SSR1: variants seen among roughly 807,000 people sequenced by gnomAD.
SSR1 encodes the protein signal sequence receptor subunit 1.
A neutral mutation model predicts 36.1 loss-of-function variants in SSR1; 13 were observed. That is an observed-to-expected ratio of 0.36 (90% CI 0.23 to 0.57). The LOEUF (loss-of-function observed/expected upper bound fraction) is 0.57. Ranked by LOEUF, SSR1 falls within the 20% of genes least tolerant of loss-of-function variation. The probability of loss-of-function intolerance (pLI) is 0.81; values close to 1 mark genes in which losing one functional copy is unlikely to be tolerated. For missense variants in SSR1, 291 were observed against 338.5 expected (o/e 0.86, Z 1.10); for synonymous variants, 113 against 118.9 (o/e 0.95, Z 0.32).
intron 2 of SSR1, among the ~76,000 whole-genome samples, chr6:7,307,197 G>A (rs1758087244): frequency 1.3e-5 from 2 of 152,098 alleles, no homozygotes; most frequent in Admixed American, 6.6e-5. Flanking sequence ...AGTTCTGGAG[G>A]TGACTTCTGT....
intron 6 of SSR1, among the ~76,000 whole-genome samples, chr6:7,296,215 A>C (rs559047917): frequency 6.6e-6 from 1 of 152,206 alleles, no homozygotes; most frequent in African/African-American, 2.4e-5. Context: ...AAAAAAACCC[A>C]AGAAACCAAC....
intron 4 of SSR1, 93 bp from the exon 5 acceptor site, chr6:7,298,916 G>A: frequency 2.1e-6 from 2 of 954,714 alleles, no homozygotes; most frequent in Non-Finnish European, 3.2e-6. Flanking sequence ...CTAACAGATT[G>A]AATATAGCCT....
chr6:7,295,068 A>T (rs1581629219), intron 7 of SSR1: 2 of 875,366 alleles, frequency 2.3e-6, no homozygotes, highest in Non-Finnish European at 3.0e-6. Flanking sequence ...AAAAACCATT[A>T]AAAAAATTAA....
chr6:7,293,857 G>A (rs907799837), intron 7 of SSR1, among the ~76,000 whole-genome samples: 1 of 152,196 alleles, frequency 6.6e-6, no homozygotes, highest in Non-Finnish European at 1.5e-5. Context: ...CTATGAATAT[G>A]TATAAAGGAG....
At chr6:7,308,745 C>G (rs537014399) in intron 2 of SSR1, among the ~76,000 whole-genome samples, 1 of 122,352 alleles carries the variant, frequency 8.2e-6, no homozygotes, top group East Asian at 2.3e-4. Context: ...CATATAACTG[C>G]CCCAAAAAAA....
chr6:7,293,587 C>G (rs948456132), intron 7 of SSR1, among the ~76,000 whole-genome samples: 1 of 151,786 alleles, frequency 6.6e-6, no homozygotes, highest in Non-Finnish European at 1.5e-5. Flanking sequence ...ATTTTTTTTT[C>G]ATTCTTTGTA....
rs932031554 is a variant in SSR1, at chr6:7,289,723, G to A, written c.*141C>T. 21 of 665,450 alleles carry A rather than the reference G, an allele frequency of 3.2e-5. No homozygotes were observed. The highest frequency in any genetic ancestry group is 2.2e-4 in the Admixed American group (5 of 23,116). 41.2% of individuals were successfully genotyped at this position (665,450 alleles called of 1,614,324 possible). On this transcript the variant is annotated 3_prime_UTR_variant, in exon 8 of 8. Transcript: ENST00000244763. ...GCAGTGCATTTTCAGCAATATTATC[G>A]CCACAGACTCTGATTGCTCAGTCCA...
At chr6:7,298,941 A>ATTCT (rs1757863995) in intron 4 of SSR1, 118 bp from the exon 5 acceptor site, 1 of 734,022 alleles carries the variant, frequency 1.4e-6, no homozygotes, top group African/African-American at 1.8e-5. Context: ...ATCACTTAGA[A>ATTCT]GACTCAACAA....
intron 4 of SSR1, among the ~76,000 whole-genome samples, chr6:7,300,565 T>C (rs367778656): frequency 1.0e-3 from 153 of 152,334 alleles, no homozygotes; most frequent in African/African-American, 3.5e-3. Context: ...ATAGACAGTC[T>C]TTAAATTTAC....
At chr6:7,306,891 T>G (rs1443297071) in intron 2 of SSR1, among the ~76,000 whole-genome samples, 7 of 117,206 alleles carry the variant, frequency 6.0e-5, no homozygotes, top group Non-Finnish European at 1.1e-4. Context: ...CACTCCAGCC[T>G]GGGCGACAGA....
intron 3 of SSR1, among the ~76,000 whole-genome samples, chr6:7,301,872 TAATC>T (rs1314771160): frequency 6.7e-6 from 1 of 149,798 alleles, no homozygotes; most frequent in African/African-American, 2.4e-5. Flanking sequence ...GGCAGTGAAA[TAATC>T]AAGCAGCAGG....
At chr6:7,298,891 C>G in intron 4 of SSR1, 68 bp from the exon 5 acceptor site, 2 of 1,267,472 alleles carry the variant, frequency 1.6e-6, no homozygotes, top group Non-Finnish European at 2.3e-6. Context: ...TGTAACATTA[C>G]TTAAAACAGT....
intron 3 of SSR1, among the ~76,000 whole-genome samples, chr6:7,302,597 A>C (rs1757960798): frequency 6.6e-6 from 1 of 152,060 alleles, no homozygotes; most frequent in East Asian, 1.9e-4. Flanking sequence ...CCCCATCCCT[A>C]CTAAAAATAC....
rs1205124849 is a variant in SSR1 at position 7,289,772 on chromosome 6, A to G, written c.*92T>C. ...CACACACAAGTAGGAGTTGCCTTCT[A>G]TGGTGACATGGCTTCTCTGCACTAA... On this transcript the variant is annotated 3_prime_UTR_variant, in exon 8 of 8. Transcript: ENST00000244763. 28 of 1,175,214 alleles carry G rather than the reference A, an allele frequency of 2.4e-5. No homozygotes were observed. Among genetic ancestry groups the G allele is most frequent in the East Asian group, 1.9e-4 (7 of 37,354 alleles). 72.8% of individuals were successfully genotyped at this position (1,175,214 alleles called of 1,614,324 possible). A position where few individuals can be genotyped will look rare whatever the true frequency, so the allele number is the denominator to read the frequency against.
At chr6:7,312,932 G>T in intron 1 of SSR1, 110 bp downstream of exon 1, 1 of 1,091,028 alleles carries the variant, frequency 9.2e-7, no homozygotes, top group Non-Finnish European at 1.3e-6. Context: ...GAGGCCAGCG[G>T]GGTGGACGCG....
chr6:7,300,108 G>A (rs941086347), intron 4 of SSR1, among the ~76,000 whole-genome samples: 9 of 152,048 alleles, frequency 5.9e-5, no homozygotes, highest in Admixed American at 5.9e-4. Context: ...TAACTATAGA[G>A]TTAAGTAATA....
In SSR1 at chr6:7,289,950, T is replaced by G. The variant is rs1471799972; in HGVS notation, c.794-19A>C. 2 of 1,529,368 alleles carry G rather than the reference T, an allele frequency of 1.3e-6. No individual in the cohort carries two copies. Among genetic ancestry groups the G allele is most frequent in the African/African-American group, 2.9e-5 (2 of 69,174 alleles). The allele number at this position is 1,529,368 out of a possible 1,614,324, so 94.7% of individuals were successfully genotyped here. A position where few individuals can be genotyped will look rare whatever the true frequency, so the allele number is the denominator to read the frequency against. Reference sequence around the variant, plus strand: ...GCTTTATCTGGAAGAAAAGAGAAAGTTTTAAGCTTGCCTATTATAAGTATA... The same window carrying G: ...GCTTTATCTGGAAGAAAAGAGAAAGGTTTAAGCTTGCCTATTATAAGTATA... On this transcript the variant is annotated intron_variant, in intron 7 of 7. Coordinates refer to ENST00000244763, the MANE Select transcript of SSR1 (RefSeq NM_003144.5).
chr6:7,291,774 G>A (rs1298003182), intron 7 of SSR1, among the ~76,000 whole-genome samples: 1 of 152,166 alleles, frequency 6.6e-6, no homozygotes, highest in South Asian at 2.1e-4. Context: ...GAGCATCACT[G>A]TTATATGCAG....
intron 1 of SSR1, among the ~76,000 whole-genome samples, chr6:7,312,427 C>T (rs1174518813): frequency 6.6e-6 from 1 of 152,096 alleles, no homozygotes; most frequent in African/African-American, 2.4e-5. Context: ...GGGCGGATAA[C>T]GGGGGTGACG....
Sources: allele counts gnomAD v4.1 joint callset (sites outside exome capture counted in the v4.1 genomes callset), GRCh38; gene constraint gnomAD v4.1.1; transcripts MANE v1.5; gene names NCBI Gene and HGNC (gene_info 2026-07-23, HGNC 2026-07-21).